Variants in OPRK1 observed in about 807,000 individuals in gnomAD.
The protein encoded by OPRK1 is opioid receptor kappa 1.
A neutral mutation model predicts 24.5 loss-of-function variants in OPRK1; 15 were observed. The ratio of observed to expected loss-of-function variants is 0.61; its 90% CI spans 0.41 to 0.94. OPRK1 has a LOEUF of 0.94. OPRK1 is among the 40% of genes least tolerant of loss of function. The pLI is 0.00. For synonymous variants in OPRK1, 205 were observed against 198.0 expected, an observed-to-expected ratio of 1.04 and a Z score of -0.30; for missense variants, 479 against 507.3, an observed-to-expected ratio of 0.94 and a Z score of 0.54.
In OPRK1 at chr8:53,250,102, A is replaced by ACACAC. The variant is rs370445740; in HGVS notation, c.257+678_257+679insGTGTG. 3.1e-3 allele frequency among the ~76,000 whole-genome samples: 453 copies of ACACAC among 144,734 alleles called. 2 individuals carry two copies. The highest frequency in any genetic ancestry group is 0.011 in the South Asian group (53 of 4,668). The allele number at this position is 144,734 out of a possible 152,430, so 95.0% of individuals were successfully genotyped here. On this transcript the variant is annotated intron_variant, in intron 2 of 3. Transcript: ENST00000265572. ...ACACACACACACACACACACACACA[A>ACACAC]ATAAAACCTTCAATTTCTCATGGTG... is the stretch of plus-strand genomic sequence containing the variant.
chr8:53,235,939 A>G lies in OPRK1; in HGVS notation c.258-828T>C, dbSNP rs572146285. ...AATTTTCAACTAAGACTGAGTTAAGAGGGTTGTTTTGCTTAGAGAATGCTT... is the reference window on the plus strand; with the variant it reads ...AATTTTCAACTAAGACTGAGTTAAGGGGGTTGTTTTGCTTAGAGAATGCTT... On this transcript the variant is annotated intron_variant, in intron 2 of 3. Transcript: ENST00000265572. Among the ~76,000 whole-genome samples, 7 of 152,366 alleles carry G rather than the reference A, an allele frequency of 4.6e-5. No homozygotes were observed. In the South Asian group the frequency reaches 1.0e-3, roughly 23 times the overall value.
At chr8:53,235,239 G>T (rs1449445010) in intron 2 of OPRK1, 128 bp from the exon 3 acceptor site, 3 of 704,402 alleles carry the variant, frequency 4.3e-6, no homozygotes, top group Non-Finnish European at 4.7e-6. Context: ...TTCATTGAGG[G>T]TCTAACATGT....
Position 53,229,664 on chromosome 8 carries a change from A to G in OPRK1, c.776T>C (p.Leu259Pro), listed in dbSNP as rs1806804946. ...MILRLKSVRL[L>P]SGSREKDRNL... ...GCGATCTTTCTCTCGGGAGCCAGAA[A>G]GGAGCCGGACGCTCTTGAGACGCAG... The change falls in exon 4 of 4, where the codon CTT becomes CCT. Residue 259 changes from leucine (L) to proline (P), a missense_variant. Transcript: ENST00000265572. 1 of 1,614,004 alleles carries G rather than the reference A, an allele frequency of 6.2e-7. No homozygotes were observed. Among genetic ancestry groups the G allele is most frequent in the African/African-American group, 1.3e-5 (1 of 74,900 alleles).
chr8:53,240,891 C>T (rs1158568400), intron 2 of OPRK1, among the ~76,000 whole-genome samples: 1 of 152,170 alleles, frequency 6.6e-6, no homozygotes, highest in Non-Finnish European at 1.5e-5. Flanking sequence ...GTGGTAATGG[C>T]TGTGTAATCT....
Position 53,229,628 on chromosome 8 carries a change from C to A in OPRK1, c.812G>T (p.Arg271Met). 6.2e-7 allele frequency: 1 copy of A among 1,614,054 alleles called. No individual in the cohort carries two copies. The highest frequency in any genetic ancestry group is 8.5e-7 in the Non-Finnish European group (1 of 1,179,968). The change falls in exon 4 of 4, where the codon AGG (arginine) becomes ATG (methionine). Residue 271 changes from arginine (R) to methionine (M), a missense_variant. Arg to Met is a moderately conservative substitution (Grantham distance 91, BLOSUM62 -1). Transcript: ENST00000265572. Reference sequence around the variant, plus strand: ...CACCACCAGGACCAGTCTGGTGATCCTACGCAGGTTGCGATCTTTCTCTCG... The same window carrying A: ...CACCACCAGGACCAGTCTGGTGATCATACGCAGGTTGCGATCTTTCTCTCG... ...GSREKDRNLR[R>M]ITRLVLVVVA...
In OPRK1 at chr8:53,229,844, TA is replaced by T; in HGVS notation, c.611-16del. The T allele has an allele frequency of 1.3e-6, 2 of 1,528,260 alleles. No homozygotes were observed. Among genetic ancestry groups the T allele is most frequent in the Admixed American group, 2.2e-5 (1 of 45,594 alleles). The allele number at this position is 1,528,260 out of a possible 1,614,324, so 94.7% of individuals were successfully genotyped here. On this transcript the variant is annotated splice_polypyrimidine_tract_variant and intron_variant, in intron 3 of 3. Transcript: ENST00000265572. ...GACATCGACGTCTGGAGGAGGGCAA[TA>T]AAAACCACAACACAGAAACCTGTTA... is the stretch of plus-strand genomic sequence containing the variant.
chr8:53,232,815 T>A (rs1005098891), intron 3 of OPRK1, among the ~76,000 whole-genome samples: 7 of 152,224 alleles, frequency 4.6e-5, no homozygotes, highest in Non-Finnish European at 1.5e-5. Flanking sequence ...AATAATTGTT[T>A]CTGCTTATAG....
intron 2 of OPRK1, among the ~76,000 whole-genome samples, chr8:53,239,113 C>T (rs57537478): frequency 0.043 from 6,549 of 152,248 alleles, 157 homozygotes; most frequent in African/African-American, 0.06. Context: ...TCTGGGTCTT[C>T]TCTTGCACTT....
chr8:53,250,665 A>G (rs991658703), intron 2 of OPRK1, 116 bp downstream of exon 2: 4 of 1,102,078 alleles, frequency 3.6e-6, no homozygotes, highest in Non-Finnish European at 5.1e-6. Flanking sequence ...AGGATCCTTC[A>G]CGGAACAGAG....
rs2128807139 is a variant in OPRK1 at position 53,227,436 on chromosome 8, T to C, written c.*1861A>G. ...ATATTTCCTATTTCACCAGGGCTTG[T>C]TTCTGGAACTATCCTCTATATAGAT... On this transcript the variant is annotated 3_prime_UTR_variant, in exon 4 of 4. Transcript: ENST00000265572. The C allele has an allele frequency of 6.6e-6, 1 of 152,342 alleles. No homozygotes were observed. The highest frequency in any genetic ancestry group is 1.5e-5 in the Non-Finnish European group (1 of 68,032). 9.4% of individuals were successfully genotyped at this position (152,342 alleles called of 1,614,324 possible).
rs78383160 is a variant in OPRK1, at chr8:53,250,014, A to G, written c.257+767T>C. On this transcript the variant is annotated intron_variant, in intron 2 of 3. Transcript: ENST00000265572. The stretch of plus-strand genomic sequence containing the variant: ...GAATCACTTTGCTTACCAAAAAATT[A>G]GCATATATGTGGATATTGGGATACT... 3.9e-5 allele frequency among the ~76,000 whole-genome samples: 6 copies of G among 152,156 alleles called. No individual in the cohort carries two copies. The East Asian group carries it at 9.7e-4, about 25-fold the overall frequency.
chr8:53,243,955 T>C (rs1807173309), intron 2 of OPRK1, among the ~76,000 whole-genome samples: 1 of 152,134 alleles, frequency 6.6e-6, no homozygotes, highest in African/African-American at 2.4e-5. Context: ...GGTGATATTA[T>C]CTAAGGTAGG....
chr8:53,238,501 C>T (rs926526663), intron 2 of OPRK1: 7 of 981,262 alleles, frequency 7.1e-6, no homozygotes, highest in Non-Finnish European at 8.5e-6. Context: ...AGGGGCAGGC[C>T]GGGAAAGAGG....
Position 53,229,653 on chromosome 8 carries a change from G to C in OPRK1, c.787C>G (p.Arg263Gly), listed in dbSNP as rs80036289. The C allele has an allele frequency of 6.2e-7, 1 of 1,614,014 alleles. No individual in the cohort carries two copies. Among genetic ancestry groups the C allele is most frequent in the South Asian group, 1.1e-5 (1 of 91,062 alleles). The change falls in exon 4 of 4, where the codon CGA becomes GGA. Residue 263 changes from arginine to glycine, a missense_variant. Coordinates refer to ENST00000265572, the MANE Select transcript of OPRK1 (RefSeq NM_000912.5). ...CTACGCAGGTTGCGATCTTTCTCTC[G>C]GGAGCCAGAAAGGAGCCGGACGCTC... The part of the protein sequence containing the change: ...LKSVRLLSGS[R>G]EKDRNLRRIT...
At chr8:53,246,247 C>T (rs73589385) in intron 2 of OPRK1, among the ~76,000 whole-genome samples, 6,366 of 152,170 alleles carry the variant, frequency 0.042, 150 homozygotes, top group African/African-American at 0.056. Flanking sequence ...CATGCCAGAC[C>T]CTCCACACAA....
At chr8:53,243,213 GCA>G (rs1807155146) in intron 2 of OPRK1, among the ~76,000 whole-genome samples, 5 of 152,186 alleles carry the variant, frequency 3.3e-5, no homozygotes, top group African/African-American at 1.2e-4. Flanking sequence ...TTTTAGCTGA[GCA>G]CAGAGACTCC....
At position 53,234,855 on chromosome 8, in the gene OPRK1, G is replaced by A. The variant is rs938470217; in HGVS notation, c.514C>T (p.Pro172Ser). 9 of 1,614,034 alleles carry A rather than the reference G, an allele frequency of 5.6e-6. No homozygotes were observed. The highest frequency in any genetic ancestry group is 4.0e-5 in the African/African-American group (3 of 74,918). Residue 172 changes from proline (P) to serine (S), a missense_variant, in exon 3 of 4, where the codon CCC becomes TCC. By Grantham distance (74) the Pro-to-Ser change is moderately conservative. Transcript: ENST00000265572. ...HPVKALDFRT[P>S]LKAKIINICI... is the part of the protein sequence containing the mutation. Reference sequence around the variant, plus strand: ...ATATTGATGATCTTTGCCTTCAAGGGTGTGCGGAAGTCCAAAGCCTTCACG... The same window carrying A: ...ATATTGATGATCTTTGCCTTCAAGGATGTGCGGAAGTCCAAAGCCTTCACG...
At chr8:53,249,621 C>T (rs940654743) in intron 2 of OPRK1, among the ~76,000 whole-genome samples, 2 of 152,122 alleles carry the variant, frequency 1.3e-5, no homozygotes, top group Admixed American at 1.3e-4. Flanking sequence ...AAAGACCTGA[C>T]ATTCTCAAGC....
intron 2 of OPRK1, chr8:53,242,994 C>G: frequency 8.9e-6 from 11 of 1,236,934 alleles, no homozygotes; most frequent in Admixed American, 2.4e-5. Flanking sequence ...CATATATAAG[C>G]CTTCCTTATC....
Sources: gnomAD v4.1 joint callset for allele counts (sites outside exome capture counted in the v4.1 genomes callset) on GRCh38, gnomAD v4.1.1 for gene constraint, MANE v1.5 for transcripts, NCBI Gene and HGNC (gene_info 2026-07-23, HGNC 2026-07-21) for gene names.